Variants in TACC1 observed in about 807,000 individuals in gnomAD.
The protein encoded by TACC1 is transforming acidic coiled-coil containing protein 1.
In TACC1, 48 loss-of-function variants were observed where a neutral mutation model predicts 84.4. The observed-to-expected ratio is 0.57, with a 90% CI of 0.45 to 0.72. TACC1 has a LOEUF of 0.72. TACC1 is among the 30% of genes least tolerant of loss of function. The pLI is 0.00. For synonymous variants in TACC1, 372 were observed against 376.3 expected (o/e 0.99, Z 0.13); for missense variants, 920 against 973.0 (o/e 0.95, Z 0.72).
At chr8:38,815,415 T>TTTTG (rs776439052) in intron 2 of TACC1, among the ~76,000 whole-genome samples, 2 of 152,166 alleles carry the variant, frequency 1.3e-5, no homozygotes, top group Admixed American at 6.5e-5. Flanking sequence ...ATAATAGATT[T>TTTTG]TTTGTTTGTT....
At chr8:38,835,624 A>G (rs1206168593) in intron 6 of TACC1, among the ~76,000 whole-genome samples, 2 of 152,236 alleles carry the variant, frequency 1.3e-5, no homozygotes, top group South Asian at 2.1e-4. Context: ...ATCCGGGTGA[A>G]AGGGTGGGGG....
At chr8:38,812,431 CTT>C (rs1433798329) in intron 2 of TACC1, among the ~76,000 whole-genome samples, 1 of 152,124 alleles carries the variant, frequency 6.6e-6, no homozygotes, top group East Asian at 1.9e-4. Context: ...TCTTTATACT[CTT>C]TTTATATCTC....
At chr8:38,766,106 T>C (rs1812201717) in intron 3 of TACC1, among the ~76,000 whole-genome samples, 1 of 152,234 alleles carries the variant, frequency 6.6e-6, no homozygotes, top group African/African-American at 2.4e-5. Flanking sequence ...ACCACTGTTC[T>C]CTGCTCTTCC....
intron 2 of TACC1, among the ~76,000 whole-genome samples, chr8:38,796,862 A>G (rs752042833): frequency 5.9e-5 from 9 of 152,380 alleles, no homozygotes; most frequent in South Asian, 2.1e-4. Context: ...CTCTGGCTGC[A>G]TAACAAATTA....
intron 11 of TACC1, among the ~76,000 whole-genome samples, chr8:38,845,904 T>A (rs1272085841): frequency 6.6e-6 from 1 of 152,230 alleles, no homozygotes; most frequent in Non-Finnish European, 1.5e-5. Flanking sequence ...TCAAAGCTTA[T>A]CATTTTAATT....
At chr8:38,735,994 A>AC (rs1253359323) in intron 1 of TACC1, among the ~76,000 whole-genome samples, 3 of 152,162 alleles carry the variant, frequency 2.0e-5, no homozygotes. Context: ...GGAGGAGAAA[A>AC]CTGGGGTCTA....
intron 2 of TACC1, among the ~76,000 whole-genome samples, chr8:38,804,385 C>T (rs193186339): frequency 3.9e-5 from 6 of 152,172 alleles, no homozygotes; most frequent in South Asian, 2.1e-4. Context: ...TGCAACCCTC[C>T]GCCTCCCGGG....
chr8:38,801,494 C>T (rs1821352305), intron 2 of TACC1, among the ~76,000 whole-genome samples: 1 of 152,220 alleles, frequency 6.6e-6, no homozygotes, highest in South Asian at 2.1e-4. Flanking sequence ...ATACAATTAA[C>T]TTTGCACCCT....
intron 3 of TACC1, among the ~76,000 whole-genome samples, chr8:38,770,347 A>G (rs769534322): frequency 7.9e-5 from 12 of 151,942 alleles, no homozygotes; most frequent in Non-Finnish European, 1.6e-4. Flanking sequence ...CCTTCTGAAC[A>G]ATCTCGAGGG....
chr8:38,811,493 G>T (rs551820811), intron 2 of TACC1, among the ~76,000 whole-genome samples: 13 of 152,318 alleles, frequency 8.5e-5, no homozygotes, highest in Non-Finnish European at 1.8e-4. Context: ...AAATCGTGAA[G>T]ATTTCATGGA....
At chr8:38,805,263 A>G (rs1822402637) in intron 2 of TACC1, among the ~76,000 whole-genome samples, 1 of 152,234 alleles carries the variant, frequency 6.6e-6, no homozygotes, top group Non-Finnish European at 1.5e-5. Context: ...TTCTAAGTCA[A>G]TAATAAAGGT....
chr8:38,775,190 T>C (rs1395930135), intron 3 of TACC1, among the ~76,000 whole-genome samples: 2 of 152,138 alleles, frequency 1.3e-5, no homozygotes, highest in African/African-American at 4.8e-5. Flanking sequence ...GGGGGGAAAC[T>C]CCAGAATTCA....
exon 3 of TACC1, chr8:38,745,479 A>G (rs1807893910): frequency 4.3e-6 from 3 of 691,592 alleles, no homozygotes; most frequent in Middle Eastern, 2.3e-4. Flanking sequence ...TGAATAATAT[A>G]TTGAAACTTA....
rs767424164 is a variant in TACC1 at position 38,787,654 on chromosome 8, C to T, written c.72C>T (p.Gly24=). The T allele has an allele frequency of 6.5e-7, 1 of 1,548,528 alleles. No individual in the cohort carries two copies. The highest frequency in any genetic ancestry group is 1.2e-5 in the South Asian group (1 of 84,540). Residue 24 remains glycine, a synonymous_variant, in exon 1 of 13, where the codon GGC becomes GGT. Coordinates refer to ENST00000317827, the MANE Select transcript of TACC1 (RefSeq NM_006283.3). The part of the protein sequence containing the change: ...WAKWTWSAVR[G]GAAGEDEAGG... ...AATGGACGTGGTCTGCGGTACGCGG[C>T]GGGGCCGCCGGCGAGGACGAGGCTG... is the stretch of plus-strand genomic sequence containing the variant.
intron 2 of TACC1, among the ~76,000 whole-genome samples, chr8:38,804,316 T>C (rs907268414): frequency 6.6e-6 from 1 of 152,180 alleles, no homozygotes; most frequent in South Asian, 2.1e-4. Context: ...TTTTTCTTTT[T>C]GGGATGGAAT....
At chr8:38,842,490 G>C in intron 10 of TACC1, 43 bp downstream of exon 10, 1 of 1,551,238 alleles carries the variant, frequency 6.4e-7, no homozygotes. Context: ...ATTTCCAGTA[G>C]TGTATTTCCT....
At chr8:38,792,004 T>C (rs1818786097) in intron 2 of TACC1, among the ~76,000 whole-genome samples, 1 of 152,260 alleles carries the variant, frequency 6.6e-6, no homozygotes, top group Non-Finnish European at 1.5e-5. Context: ...CTAAGAGTTG[T>C]ATGCCAGGAG....
chr8:38,757,316 G>A, intron 3 of TACC1: 3 of 1,265,982 alleles, frequency 2.4e-6, no homozygotes, highest in Non-Finnish European at 3.1e-6. Flanking sequence ...TGCAGCCCCG[G>A]CCCCAAGTTC....
chr8:38,792,347 G>T (rs1420431652), intron 2 of TACC1, among the ~76,000 whole-genome samples: 4 of 152,198 alleles, frequency 2.6e-5, no homozygotes, highest in Non-Finnish European at 4.4e-5. Flanking sequence ...AGACTGGAGT[G>T]CAGTAGTATG....
Sources: gnomAD v4.1 joint callset for allele counts (sites outside exome capture counted in the v4.1 genomes callset) on GRCh38, gnomAD v4.1.1 for gene constraint, MANE v1.5 for transcripts, NCBI Gene and HGNC (gene_info 2026-07-23, HGNC 2026-07-21) for gene names.